Variants in NTN1 observed in about 807,000 individuals in gnomAD.
NTN1 encodes the protein netrin-1.
Under a neutral mutation model 54.2 loss-of-function variants are expected in NTN1, and 11 were observed. That is an observed-to-expected ratio of 0.20 (90% confidence interval 0.13 to 0.34). NTN1 has a LOEUF of 0.34. Among genes scored for constraint, NTN1 ranks in the 10% least tolerant of loss-of-function variants. The pLI is 1.00. For missense variants in NTN1, 740 were observed against 893.1 expected (o/e 0.83, Z 2.18); for synonymous variants, 371 against 382.0 (o/e 0.97, Z 0.33).
chr17:9,096,366 C>CCTTTTTTTTTTTTTTTTTTTTTTTTTT lies in NTN1; in HGVS notation c.1019-66447_1019-66446insCTTTTTTTTTTTTTTTTTTTTTTTTTT, dbSNP rs55880198. The stretch of plus-strand genomic sequence containing the variant: ...TGTCTTCCTGGGTTTTATGGGTAGA[C>CCTTTTTTTTTTTTTTTTTTTTTTTTTT]TTTTTTTTTTTTTTTTTTTTTTGAG... On this transcript the variant is annotated intron_variant, in intron 2 of 6. Coordinates refer to ENST00000173229, the MANE Select transcript of NTN1 (RefSeq NM_004822.3). 1.7e-4 allele frequency among the ~76,000 whole-genome samples: 16 copies of CCTTTTTTTTTTTTTTTTTTTTTTTTTT among 91,510 alleles called. 8 individuals are homozygous for CCTTTTTTTTTTTTTTTTTTTTTTTTTT. The highest frequency in any genetic ancestry group is 2.4e-4 in the Non-Finnish European group (12 of 49,116). The allele number at this position is 91,510 out of a possible 152,430, so 60.0% of individuals were successfully genotyped here.
upstream of NTN1, among the ~76,000 whole-genome samples, chr17:9,018,915 C>T (rs1597459562): frequency 2.0e-5 from 3 of 152,362 alleles, no homozygotes; most frequent in African/African-American, 7.2e-5. Flanking sequence ...TTACCCCATA[C>T]TGTGTTCCCT....
intron 2 of NTN1, among the ~76,000 whole-genome samples, chr17:9,056,314 C>G (rs1382840790): frequency 6.6e-6 from 1 of 152,196 alleles, no homozygotes; most frequent in African/African-American, 2.4e-5. Flanking sequence ...GCCTTGGCCT[C>G]CCAAAGTGTT....
At chr17:9,163,943 G>A (rs1367182397) in intron 3 of NTN1, among the ~76,000 whole-genome samples, 1 of 152,210 alleles carries the variant, frequency 6.6e-6, no homozygotes, top group African/African-American at 2.4e-5. Flanking sequence ...GCATGGGTGG[G>A]GTCCTGACCT....
chr17:9,031,643 A>G (rs1355141204), intron 2 of NTN1, among the ~76,000 whole-genome samples: 1 of 152,144 alleles, frequency 6.6e-6, no homozygotes, highest in Non-Finnish European at 1.5e-5. Flanking sequence ...TGGTCTGGGC[A>G]TGTAAAGAAA....
At chr17:9,013,216 C>CTTTTTTTTT in the NTN1 span, among the ~76,000 whole-genome samples, 1 of 118,726 alleles carries the variant, frequency 8.4e-6, no homozygotes, top group African/African-American at 3.2e-5. Flanking sequence ...TTTTCTTTTT[C>CTTTTTTTTT]TTTTTTTTTT....
intron 3 of NTN1, chr17:9,173,869 T>C (rs2092393599): frequency 6.6e-6 from 1 of 152,340 alleles, no homozygotes; most frequent in South Asian, 2.1e-4. Context: ...GGAAGTCTTG[T>C]GAGGACTAGG....
At chr17:9,095,461 G>A (rs9902557) in intron 2 of NTN1, among the ~76,000 whole-genome samples, 7,713 of 152,262 alleles carry the variant, frequency 0.051, 532 homozygotes, top group African/African-American at 0.16. Flanking sequence ...AAAGAATCCA[G>A]CCTTTCACTT....
chr17:9,093,777 C>T (rs914264220), intron 2 of NTN1, among the ~76,000 whole-genome samples: 1 of 152,118 alleles, frequency 6.6e-6, no homozygotes. Context: ...AGTTTGACAC[C>T]AGCCTGGCCA....
intron 2 of NTN1, among the ~76,000 whole-genome samples, chr17:9,105,136 C>T (rs569452965): frequency 3.4e-4 from 52 of 152,326 alleles, no homozygotes; most frequent in African/African-American, 1.1e-3. Context: ...CCTTTACCAG[C>T]AGGGACATTC....
chr17:9,200,742 C>A (rs1035627216), intron 5 of NTN1, among the ~76,000 whole-genome samples: 5 of 152,232 alleles, frequency 3.3e-5, no homozygotes, highest in Non-Finnish European at 7.3e-5. Flanking sequence ...AGAGCCTGGG[C>A]TAGGTGCTGG....
At chr17:9,191,865 TAAAAAAAAAAAA>T (rs60675960) in intron 5 of NTN1, among the ~76,000 whole-genome samples, 2 of 89,186 alleles carry the variant, frequency 2.2e-5, no homozygotes, top group Non-Finnish European at 2.0e-5. Flanking sequence ...TTATCGCTAC[TAAAAAAAAAAAA>T]AAAAAAAAAA....
chr17:9,078,057 TATCC>T (rs111350777), intron 2 of NTN1, among the ~76,000 whole-genome samples: 12,919 of 151,592 alleles, frequency 0.085, 968 homozygotes, highest in African/African-American at 0.2. Context: ...CCCATCCATC[TATCC>T]ATCCATCCAT....
At chr17:9,010,781 C>A in the NTN1 span, among the ~76,000 whole-genome samples, 19 of 152,046 alleles carry the variant, frequency 1.2e-4, no homozygotes, top group Admixed American at 2.6e-4. Flanking sequence ...TTTTTGGGAC[C>A]AAGGACCAGT....
intron 2 of NTN1, among the ~76,000 whole-genome samples, chr17:9,092,925 A>AT (rs2075227579): frequency 6.6e-6 from 1 of 151,974 alleles, no homozygotes; most frequent in Non-Finnish European, 1.5e-5. Context: ...CGCCCGGCTA[A>AT]TTTTTTGTAT....
chr17:9,103,795 C>T (rs985023625), intron 2 of NTN1, among the ~76,000 whole-genome samples: 2 of 151,838 alleles, frequency 1.3e-5, no homozygotes, highest in East Asian at 3.9e-4. Flanking sequence ...CACAAAAGAA[C>T]AAGTACTAGG....
chr17:9,150,859 C>T (rs1274740180), intron 2 of NTN1, among the ~76,000 whole-genome samples: 2 of 152,156 alleles, frequency 1.3e-5, no homozygotes, highest in Non-Finnish European at 2.9e-5. Context: ...CCGCTGTCCA[C>T]TGGGGAGGGG....
At chr17:9,125,857 G>A (rs1364987497) in intron 2 of NTN1, among the ~76,000 whole-genome samples, 2 of 152,160 alleles carry the variant, frequency 1.3e-5, no homozygotes, top group African/African-American at 2.4e-5. Context: ...ATACTGATAC[G>A]GGTTATTACC....
At chr17:9,200,098 A>G (rs1178430429) in intron 5 of NTN1, among the ~76,000 whole-genome samples, 1 of 152,234 alleles carries the variant, frequency 6.6e-6, no homozygotes, top group Non-Finnish European at 1.5e-5. Flanking sequence ...ACGTTACAGG[A>G]CTACAAGCAT....
At chr17:9,037,244 C>T (rs2091906322) in intron 2 of NTN1, among the ~76,000 whole-genome samples, 1 of 152,188 alleles carries the variant, frequency 6.6e-6, no homozygotes, top group African/African-American at 2.4e-5. Flanking sequence ...TTCTTTTGCT[C>T]AGCCTTATTT....
Sources: gnomAD v4.1 joint callset for allele counts (sites outside exome capture counted in the v4.1 genomes callset) on GRCh38, gnomAD v4.1.1 for gene constraint, MANE v1.5 for transcripts, NCBI Gene and HGNC (gene_info 2026-07-23, HGNC 2026-07-21) for gene names.